NIPAL2: variants seen among roughly 807,000 people sequenced by gnomAD.
NIPAL2 encodes NIPA like domain containing 2.
Under a neutral mutation model 48.9 loss-of-function variants are expected in NIPAL2, and 43 were observed. That is an observed-to-expected ratio of 0.88 (90% CI 0.69 to 1.13). The LOEUF (loss-of-function observed/expected upper bound fraction) is 1.13. Ranked by LOEUF, NIPAL2 falls within the 50% of genes most tolerant of loss-of-function variation. The probability of loss-of-function intolerance (pLI) is 0.00; values close to 1 mark genes in which losing one functional copy is unlikely to be tolerated. For missense variants in NIPAL2, 446 were observed against 461.4 expected, an observed-to-expected ratio of 0.97 and a Z score of 0.31; for synonymous variants, 167 against 174.6, an observed-to-expected ratio of 0.96 and a Z score of 0.34.
At chr8:98,194,134 C>T (rs1417989842) in intron 10 of NIPAL2, among the ~76,000 whole-genome samples, 1 of 152,144 alleles carries the variant, frequency 6.6e-6, no homozygotes, top group Non-Finnish European at 1.5e-5. Context: ...GGCGGGTGGA[C>T]AGGGGAAGAG....
intron 4 of NIPAL2, among the ~76,000 whole-genome samples, chr8:98,229,669 T>G (rs1222831634): frequency 6.6e-6 from 1 of 152,220 alleles, no homozygotes; most frequent in East Asian, 1.9e-4. Flanking sequence ...TGAGCCACTA[T>G]GCCCAGCCAG....
At chr8:98,204,431 G>A (rs1217031078) in intron 7 of NIPAL2, among the ~76,000 whole-genome samples, 1 of 152,112 alleles carries the variant, frequency 6.6e-6, no homozygotes, top group Non-Finnish European at 1.5e-5. Context: ...GGGGTGAACA[G>A]AAAACTTTCA....
At chr8:98,208,707 C>T (rs1811161236) in intron 6 of NIPAL2, among the ~76,000 whole-genome samples, 1 of 152,102 alleles carries the variant, frequency 6.6e-6, no homozygotes, top group South Asian at 2.1e-4. Flanking sequence ...CCATGGCCTC[C>T]CAAAGTGCTG....
chr8:98,281,207 G>A (rs895554725), intron 1 of NIPAL2, among the ~76,000 whole-genome samples: 7 of 152,070 alleles, frequency 4.6e-5, no homozygotes, highest in Non-Finnish European at 8.8e-5. Context: ...ACATCAGGAT[G>A]TTATCCATTC....
Position 98,192,687 on chromosome 8 carries a change from G to A in NIPAL2, c.*291C>T. 2.7e-6 allele frequency: 1 copy of A among 363,898 alleles called. No homozygotes were observed. The highest frequency in any genetic ancestry group is 5.0e-6 in the Non-Finnish European group (1 of 198,382). 22.5% of individuals were successfully genotyped at this position (363,898 alleles called of 1,614,324 possible). A position where few individuals can be genotyped will look rare whatever the true frequency, so the allele number is the denominator to read the frequency against. On this transcript the variant is annotated 3_prime_UTR_variant, in exon 11 of 11. Transcript: ENST00000430223. The stretch of plus-strand genomic sequence containing the variant: ...CCAAACCGCAAATGTATGTTTCTGT[G>A]CAACATTCCTGCTAGAGCAGCCGGG...
At chr8:98,250,725 A>C (rs1001933332) in intron 3 of NIPAL2, among the ~76,000 whole-genome samples, 16 of 152,224 alleles carry the variant, frequency 1.1e-4, no homozygotes, top group African/African-American at 3.9e-4. Context: ...CAGTGGGCTC[A>C]GAGTTTTAAG....
At chr8:98,267,808 A>T (rs902917231) in intron 1 of NIPAL2, among the ~76,000 whole-genome samples, 1 of 152,216 alleles carries the variant, frequency 6.6e-6, no homozygotes, top group Non-Finnish European at 1.5e-5. Flanking sequence ...AACTTACTTT[A>T]TAGTTCCTGA....
intron 1 of NIPAL2, among the ~76,000 whole-genome samples, chr8:98,258,526 G>A (rs766176649): frequency 6.6e-6 from 1 of 152,128 alleles, no homozygotes; most frequent in Non-Finnish European, 1.5e-5. Context: ...TATGGCCTGA[G>A]AAGGACTCCG....
intron 4 of NIPAL2, among the ~76,000 whole-genome samples, chr8:98,234,274 T>G (rs1812598143): frequency 6.6e-6 from 1 of 152,194 alleles, no homozygotes; most frequent in African/African-American, 2.4e-5. Context: ...TATTTATGAA[T>G]CTATATTATC....
At chr8:98,237,254 G>A (rs1044428591) in intron 3 of NIPAL2, among the ~76,000 whole-genome samples, 6 of 151,912 alleles carry the variant, frequency 3.9e-5, no homozygotes, top group African/African-American at 1.5e-4. Flanking sequence ...GTCTCACTAT[G>A]TTGCCCAGGC....
At position 98,224,755 on chromosome 8, in the gene NIPAL2, C is replaced by CTTTT. The variant is rs371936351; in HGVS notation, c.437-2159_437-2156dup. ...CAGTTATACTTTCTTTCTTTCTTTT[C>CTTTT]TTTTTTTTTTTTTTTTTTGTTGAAA... On this transcript the variant is annotated intron_variant, in intron 4 of 10. Coordinates refer to ENST00000430223, the MANE Select transcript of NIPAL2 (RefSeq NM_001321635.2). Among the ~76,000 whole-genome samples the CTTTT allele has an allele frequency of 9.0e-3, 1,110 of 123,686 alleles. 34 individuals carry two copies. Among genetic ancestry groups the CTTTT allele is most frequent in the African/African-American group, 0.027 (926 of 34,358 alleles). 81.1% of individuals were successfully genotyped at this position (123,686 alleles called of 152,430 possible). A position where few individuals can be genotyped will look rare whatever the true frequency, so the allele number is the denominator to read the frequency against.
At chr8:98,291,001 G>A (rs1204485317) in intron 1 of NIPAL2, among the ~76,000 whole-genome samples, 1 of 152,202 alleles carries the variant, frequency 6.6e-6, no homozygotes, top group Non-Finnish European at 1.5e-5. Context: ...AGATGTATCT[G>A]TAGGCTGGAT....
In NIPAL2 at chr8:98,285,744, G is replaced by A. The variant is rs574620909; in HGVS notation, c.135+8259C>T. ...TAGTTTCTTTCTTTCTTTTTTTTTT[G>A]TAACTTGCAACCTAAAGCCTCTTAA... On this transcript the variant is annotated intron_variant, in intron 1 of 10. Transcript: ENST00000430223. 3.4e-5 allele frequency among the ~76,000 whole-genome samples: 5 copies of A among 145,254 alleles called. No individual in the cohort carries two copies. The South Asian group carries it at 1.1e-3, about 32-fold the overall frequency.
chr8:98,223,204 A>G (rs979051857), intron 4 of NIPAL2, among the ~76,000 whole-genome samples: 1 of 152,200 alleles, frequency 6.6e-6, no homozygotes, highest in Admixed American at 6.5e-5. Context: ...AGTTTAATTA[A>G]TCCAATCTAG....
chr8:98,251,118 C>T (rs1019704823), intron 3 of NIPAL2, among the ~76,000 whole-genome samples: 1 of 151,798 alleles, frequency 6.6e-6, no homozygotes, highest in African/African-American at 2.4e-5. Context: ...ATATGGTGCA[C>T]TCACCACCAG....
At chr8:98,265,374 C>A (rs1227960376) in intron 1 of NIPAL2, among the ~76,000 whole-genome samples, 3 of 138,186 alleles carry the variant, frequency 2.2e-5, no homozygotes, top group Non-Finnish European at 3.1e-5. Context: ...ATTTTCGCAA[C>A]CTACTCATCT....
chr8:98,242,605 C>G (rs1197650828), intron 3 of NIPAL2, among the ~76,000 whole-genome samples: 2 of 151,572 alleles, frequency 1.3e-5, no homozygotes, highest in African/African-American at 4.9e-5. Flanking sequence ...CCTGCCTCAG[C>G]CTCCTGAGTA....
In NIPAL2 at chr8:98,193,019, C is replaced by T. The variant is rs1218331725; in HGVS notation, c.1111G>A (p.Asp371Asn). 1.9e-6 allele frequency: 3 copies of T among 1,614,080 alleles called. No individual in the cohort carries two copies. Among genetic ancestry groups the T allele is most frequent in the Admixed American group, 3.3e-5 (2 of 60,024 alleles). The change falls in exon 11 of 11, where the codon GAC becomes AAC. Residue 371 changes from aspartate (D) to asparagine (N), a missense_variant. Coordinates refer to ENST00000430223, the MANE Select transcript of NIPAL2 (RefSeq NM_001321635.2). ...TCTCCACTTTGGCTCTTTGTTGAGTCACTTCCATCAGGCAAAGTTCCATAG... is the reference window on the plus strand; with the variant it reads ...TCTCCACTTTGGCTCTTTGTTGAGTTACTTCCATCAGGCAAAGTTCCATAG... ...LSYGTLPDGS[D>N]STKSQSGEKK...
intron 1 of NIPAL2, among the ~76,000 whole-genome samples, chr8:98,259,479 T>C (rs187484617): frequency 2.6e-5 from 4 of 152,314 alleles, no homozygotes; most frequent in East Asian, 3.9e-4. Flanking sequence ...AGACAAGTTA[T>C]TTGAAAGTAA....
Sources: allele counts gnomAD v4.1 joint callset (sites outside exome capture counted in the v4.1 genomes callset), GRCh38; gene constraint gnomAD v4.1.1; transcripts MANE v1.5; gene names NCBI Gene and HGNC (gene_info 2026-07-23, HGNC 2026-07-21).